CHGA: variants seen among roughly 807,000 people sequenced by gnomAD.
CHGA encodes chromogranin-A.
CHGA carries 41 observed loss-of-function variants against 54.4 expected under a neutral mutation model. The ratio of observed to expected loss-of-function variants is 0.75; its 90% CI spans 0.59 to 0.98. CHGA has a LOEUF of 0.98. Among genes scored for constraint, CHGA ranks in the 50% least tolerant of loss-of-function variants. The pLI, the probability that CHGA is intolerant of heterozygous loss-of-function variation, is 0.00. For synonymous variants in CHGA, 249 were observed against 232.8 expected (o/e 1.07, Z -0.63); for missense variants, 576 against 582.3 (o/e 0.99, Z 0.11).
At position 92,932,151 on chromosome 14, in the gene CHGA, G is replaced by A. The variant is rs1172680343; in HGVS notation, c.809-219G>A. 9 of 562,318 alleles carry A rather than the reference G, an allele frequency of 1.6e-5. No individual in the cohort carries two copies. Among genetic ancestry groups the A allele is most frequent in the Non-Finnish European group, 2.4e-5 (8 of 334,542 alleles). The allele number at this position is 562,318 out of a possible 1,614,324, so 34.8% of individuals were successfully genotyped here. A position where few individuals can be genotyped will look rare whatever the true frequency, so the allele number is the denominator to read the frequency against. ...CTCACTCTCCAGCTGCCGGGCTTCT[G>A]GGGTGAGGATGAGGGGAAGAGGCAG... On this transcript the variant is annotated intron_variant, in intron 6 of 7. Transcript: ENST00000216492. This position sits in a 1 kb window ranked among gnomAD's most constrained non-coding sequence, Gnocchi z 5.3.
At chr14:92,922,819 A>G (rs943117364), upstream of CHGA, among the ~76,000 whole-genome samples, 7 of 152,322 alleles carry the variant, frequency 4.6e-5, no homozygotes, top group Admixed American at 2.6e-4. Context: ...TAGCGCTGCC[A>G]GGGACCTCAG....
chr14:92,930,853 A>G (rs1886979365), intron 5 of CHGA, among the ~76,000 whole-genome samples: 2 of 152,246 alleles, frequency 1.3e-5, no homozygotes, highest in South Asian at 4.1e-4. Context: ...CTTTCACAGG[A>G]TGCTGAAGAC....
At chr14:92,925,461 G>A (rs956907905) in intron 2 of CHGA, among the ~76,000 whole-genome samples, 5 of 147,580 alleles carry the variant, frequency 3.4e-5, no homozygotes, top group Non-Finnish European at 3.0e-5. Flanking sequence ...GCAGCCTGTG[G>A]TCAGGGGCAC....
At chr14:92,926,181 C>T (rs1015623774) in intron 2 of CHGA, 1 of 198,360 alleles carries the variant, frequency 5.0e-6, no homozygotes, top group Non-Finnish European at 1.1e-5. Flanking sequence ...CTGGGCAGTC[C>T]AGAAGGACTT....
Position 92,935,184 on chromosome 14 carries a change from T to A in CHGA, c.*300T>A, listed in dbSNP as rs1383654411. The A allele has an allele frequency of 2.5e-6, 1 of 398,126 alleles. No individual in the cohort carries two copies. The highest frequency in any genetic ancestry group is 4.4e-6 in the Non-Finnish European group (1 of 226,130). The allele number at this position is 398,126 out of a possible 1,614,324, so 24.7% of individuals were successfully genotyped here. On this transcript the variant is annotated 3_prime_UTR_variant, in exon 8 of 8. Coordinates refer to ENST00000216492, the MANE Select transcript of CHGA (RefSeq NM_001275.4). ...CTCCATCCTATCCACTGGGCACAAC[T>A]GCAATAACTTCTGACCTTTTGGTGA...
At chr14:92,925,699 C>T (rs1219787358) in intron 2 of CHGA, among the ~76,000 whole-genome samples, 1 of 152,204 alleles carries the variant, frequency 6.6e-6, no homozygotes, top group Admixed American at 6.5e-5. Context: ...GAGTTGTGAA[C>T]CCCTCCCTGG....
intron 4 of CHGA, among the ~76,000 whole-genome samples, chr14:92,927,946 T>C (rs1371755214): frequency 1.3e-5 from 2 of 152,194 alleles, no homozygotes; most frequent in Non-Finnish European, 2.9e-5. Flanking sequence ...TCACTGATGA[T>C]ATTCAAGCCA....
intron 7 of CHGA, chr14:92,933,087 G>C (rs1887047212): frequency 1.9e-6 from 1 of 522,888 alleles, no homozygotes; most frequent in Admixed American, 3.7e-5. Flanking sequence ...GTGGCAGCGG[G>C]GGAGGCGCTG....
chr14:92,927,813 T>C (rs567200867), intron 4 of CHGA, among the ~76,000 whole-genome samples, 195 bp downstream of exon 4: 1 of 152,262 alleles, frequency 6.6e-6, no homozygotes, highest in Admixed American at 6.5e-5. Context: ...CCCAGAGAGG[T>C]TGAGTGACTT....
rs376195304 is a variant in CHGA at position 92,932,956 on chromosome 14, C to G, written c.1290+105C>G. The G allele has an allele frequency of 7.1e-7, 1 of 1,416,580 alleles. No individual in the cohort carries two copies. Among genetic ancestry groups the G allele is most frequent in the East Asian group, 2.5e-5 (1 of 39,464 alleles). The allele number at this position is 1,416,580 out of a possible 1,614,324, so 87.8% of individuals were successfully genotyped here. A position where few individuals can be genotyped will look rare whatever the true frequency, so the allele number is the denominator to read the frequency against. On this transcript the variant is annotated intron_variant, in intron 7 of 7. Transcript: ENST00000216492. This position sits in a 1 kb window ranked among gnomAD's most constrained non-coding sequence, Gnocchi z 5.3. ...CCCCACTGAGGGGACAGGGCCCCCC[C>G]GCCGAAGTCTGGGGATGGAGAGATG...
At position 92,926,634 on chromosome 14, in the gene CHGA, C is replaced by A; in HGVS notation, c.123C>A (p.Ser41=). 1 of 1,613,962 alleles carries A rather than the reference C, an allele frequency of 6.2e-7. No homozygotes were observed. Among genetic ancestry groups the A allele is most frequent in the Non-Finnish European group, 8.5e-7 (1 of 1,180,022 alleles). ...EVMKCIVEVI[S]DTLSKPSPMP... is the part of the protein sequence containing the mutation. ...TGAAATGCATCGTTGAGGTCATCTC[C>A]GACACACTTTCCAAGCCCAGCCCCA... The change falls in exon 3 of 8, where the codon TCC becomes TCA. Residue 41 remains serine, a synonymous_variant. Coordinates refer to ENST00000216492, the MANE Select transcript of CHGA (RefSeq NM_001275.4).
Position 92,932,201 on chromosome 14 carries a change from G to A in CHGA, c.809-169G>A. 3 of 921,126 alleles carry A rather than the reference G, an allele frequency of 3.3e-6. No homozygotes were observed. The highest frequency in any genetic ancestry group is 1.6e-6 in the Non-Finnish European group (1 of 638,384). The allele number at this position is 921,126 out of a possible 1,614,324, so 57.1% of individuals were successfully genotyped here. A position where few individuals can be genotyped will look rare whatever the true frequency, so the allele number is the denominator to read the frequency against. ...GGCTCCAGCTAACCCACCCCTCTGA[G>A]CCGAGAGGGTCTTGCAAAGCCTGGC... On this transcript the variant is annotated intron_variant, in intron 6 of 7. Coordinates refer to ENST00000216492, the MANE Select transcript of CHGA (RefSeq NM_001275.4). The surrounding 1 kb of genome is among the most constrained non-coding windows in gnomAD (Gnocchi z 5.3).
At chr14:92,924,394 T>G (rs1400630728) in intron 2 of CHGA, 149 bp downstream of exon 2, 3 of 750,056 alleles carry the variant, frequency 4.0e-6, no homozygotes, top group South Asian at 3.9e-5. Context: ...AAAGAAGATA[T>G]CAAAGATTGC....
chr14:92,932,101 C>T lies in CHGA; in HGVS notation c.809-269C>T, dbSNP rs9658660. Reference sequence around the variant, plus strand: ...ACGGTTTAGGAGAGGCCCTGGCTCCCGCTGCGGGCCTGTCAGGGTCTTTCC... The same window carrying T: ...ACGGTTTAGGAGAGGCCCTGGCTCCTGCTGCGGGCCTGTCAGGGTCTTTCC... On this transcript the variant is annotated intron_variant, in intron 6 of 7. Transcript: ENST00000216492. This position sits in a 1 kb window ranked among gnomAD's most constrained non-coding sequence, Gnocchi z 5.3. The T allele has an allele frequency of 0.021, 9,732 of 460,580 alleles. 158 individuals carry two copies. Among genetic ancestry groups the T allele is most frequent in the Non-Finnish European group, 0.026 (6,746 of 258,948 alleles). The allele number at this position is 460,580 out of a possible 1,614,324, so 28.5% of individuals were successfully genotyped here. A position where few individuals can be genotyped will look rare whatever the true frequency, so the allele number is the denominator to read the frequency against.
In CHGA at chr14:92,932,882, C is replaced by G; in HGVS notation, c.1290+31C>G. On this transcript the variant is annotated intron_variant, in intron 7 of 7. Coordinates refer to ENST00000216492, the MANE Select transcript of CHGA (RefSeq NM_001275.4). This position sits in a 1 kb window ranked among gnomAD's most constrained non-coding sequence, Gnocchi z 5.3. ...TATGGGGCGGGAGCCAGCTCTGTGC[C>G]AGGCCACGGAGCAGCAGGGGGCAGC... The G allele has an allele frequency of 6.9e-7, 1 of 1,457,624 alleles. No individual in the cohort carries two copies. Among genetic ancestry groups the G allele is most frequent in the Non-Finnish European group, 9.1e-7 (1 of 1,102,612 alleles). 90.3% of individuals were successfully genotyped at this position (1,457,624 alleles called of 1,614,324 possible). A position where few individuals can be genotyped will look rare whatever the true frequency, so the allele number is the denominator to read the frequency against.
chr14:92,928,322 G>A (rs1007339569), intron 4 of CHGA, among the ~76,000 whole-genome samples: 21 of 152,214 alleles, frequency 1.4e-4, no homozygotes, highest in Non-Finnish European at 3.1e-4. Flanking sequence ...AGGCCTTTGG[G>A]ACAGACCAGG....
In CHGA at chr14:92,934,923, G is replaced by T. The variant is rs1489108359; in HGVS notation, c.*39G>T. ...AGGGCTGGCCCCAGGGCACCCTGTGGCCCTGGCTCTGCTGTCCCCTTGGCA... is the reference window on the plus strand; with the variant it reads ...AGGGCTGGCCCCAGGGCACCCTGTGTCCCTGGCTCTGCTGTCCCCTTGGCA... On this transcript the variant is annotated 3_prime_UTR_variant, in exon 8 of 8. Coordinates refer to ENST00000216492, the MANE Select transcript of CHGA (RefSeq NM_001275.4). The T allele has an allele frequency of 6.6e-7, 1 of 1,512,770 alleles. No homozygotes were observed. The highest frequency in any genetic ancestry group is 8.9e-7 in the Non-Finnish European group (1 of 1,125,724). The allele number at this position is 1,512,770 out of a possible 1,614,324, so 93.7% of individuals were successfully genotyped here. A position where few individuals can be genotyped will look rare whatever the true frequency, so the allele number is the denominator to read the frequency against.
At chr14:92,929,629 C>T in intron 4 of CHGA, 88 bp from the exon 5 acceptor site, 1 of 1,160,460 alleles carries the variant, frequency 8.6e-7, no homozygotes, top group Non-Finnish European at 1.3e-6. Flanking sequence ...GCCCAGCTTA[C>T]AGATGGGGAA....
rs1421947580 is a variant in CHGA, at chr14:92,932,519, G to A, written c.958G>A (p.Gly320Arg). ...GGTCCCGCAAGGCCTCTTCCGGGGT[G>A]GGAAGAGCGGAGAGCTGGAGCAGGA... ...AVVPQGLFRG[G>R]KSGELEQEEE... Residue 320 changes from glycine (G) to arginine (R), a missense_variant, in exon 7 of 8, where the codon GGG (glycine) becomes AGG (arginine). By Grantham distance (125) the Gly-to-Arg change is moderately radical. Coordinates refer to ENST00000216492, the MANE Select transcript of CHGA (RefSeq NM_001275.4). This position sits in a 1 kb window ranked among gnomAD's most constrained non-coding sequence, Gnocchi z 5.3. The A allele has an allele frequency of 1.5e-5, 24 of 1,553,576 alleles. No individual in the cohort carries two copies. The South Asian group carries it at 2.3e-4, about 15-fold the overall frequency.
Sources: allele counts gnomAD v4.1 joint callset (sites outside exome capture counted in the v4.1 genomes callset), GRCh38; gene constraint gnomAD v4.1.1; non-coding constraint Gnocchi (gnomAD v3.1); transcripts MANE v1.5; gene names NCBI Gene and HGNC (gene_info 2026-07-23, HGNC 2026-07-21).